Variants in THSD7B observed in about 807,000 individuals in gnomAD.
THSD7B encodes the protein thrombospondin type-1 domain-containing protein 7B.
A neutral mutation model predicts 213.6 loss-of-function variants in THSD7B; 138 were observed. The observed-to-expected ratio is 0.65, with a 90% CI of 0.56 to 0.74. THSD7B has a LOEUF of 0.74. Ranked by LOEUF, THSD7B falls within the 30% of genes least tolerant of loss-of-function variation. The pLI is 0.00. For synonymous variants in THSD7B, 742 were observed against 687.0 expected (o/e 1.08, Z -1.25); for missense variants, 1,931 against 1,991.5 (o/e 0.97, Z 0.58).
At position 137,096,914 on chromosome 2, in the gene THSD7B, G is replaced by A. The variant is rs1467790865; in HGVS notation, c.1199+1793G>A. ...GCTTAGCACATAGGTGGCGCTGCAA[G>A]AAGGATGACCACTATTGTTGCTATT... is the stretch of plus-strand genomic sequence containing the variant. On this transcript the variant is annotated intron_variant, in intron 4 of 27. Coordinates refer to ENST00000409968, the MANE Select transcript of THSD7B (RefSeq NM_001316349.2). 2.0e-5 allele frequency among the ~76,000 whole-genome samples: 3 copies of A among 152,226 alleles called. No individual in the cohort carries two copies. In the East Asian group the frequency reaches 5.8e-4, roughly 29 times the overall value.
chr2:136,816,642 CT>C (rs1682479386), intron 1 of THSD7B, among the ~76,000 whole-genome samples: 1 of 152,100 alleles, frequency 6.6e-6, no homozygotes, highest in African/African-American at 2.4e-5. Flanking sequence ...CATAGGATTT[CT>C]TGAGTGAAAG....
chr2:137,420,962 G>T (rs1686910958), intron 14 of THSD7B, among the ~76,000 whole-genome samples: 1 of 152,064 alleles, frequency 6.6e-6, no homozygotes, highest in Non-Finnish European at 1.5e-5. Flanking sequence ...TTGGCTCATG[G>T]CCTCTTCCTG....
intron 9 of THSD7B, 121 bp from the exon 10 acceptor site, chr2:137,242,336 T>C: frequency 1.4e-6 from 1 of 692,380 alleles, no homozygotes; most frequent in Non-Finnish European, 2.4e-6. Flanking sequence ...GGAGTCTCTC[T>C]TCCCTCACCT....
rs534571298 is a variant in THSD7B at position 136,950,019 on chromosome 2, C to T, written c.139+67702C>T. ...CTGTAATCGTAGCACTTTGGGAGGCCGAGGTGAGCGGATCACGAGGTCAGG... is the reference window on the plus strand; with the variant it reads ...CTGTAATCGTAGCACTTTGGGAGGCTGAGGTGAGCGGATCACGAGGTCAGG... On this transcript the variant is annotated intron_variant, in intron 2 of 27. Transcript: ENST00000409968. 1.1e-4 allele frequency among the ~76,000 whole-genome samples: 16 copies of T among 152,194 alleles called. No individual in the cohort carries two copies. The East Asian group carries it at 1.4e-3, about 13-fold the overall frequency.
intron 14 of THSD7B, among the ~76,000 whole-genome samples, chr2:137,440,684 A>G (rs758626316): frequency 6.6e-5 from 10 of 151,980 alleles, no homozygotes; most frequent in Non-Finnish European, 1.3e-4. Context: ...TTTATGTGAA[A>G]TCTCCCAATT....
chr2:137,382,137 T>TC (rs371762821), intron 12 of THSD7B, among the ~76,000 whole-genome samples: 10 of 152,292 alleles, frequency 6.6e-5, no homozygotes, highest in African/African-American at 2.2e-4. Context: ...ATTTTTTTTT[T>TC]CTAGAGAGCC....
chr2:137,231,197 A>T lies in THSD7B; in HGVS notation c.1877A>T (p.Gln626Leu). The change falls in exon 8 of 28, where the codon CAG becomes CTG. Residue 626 changes from glutamine to leucine, a missense_variant. Coordinates refer to ENST00000409968, the MANE Select transcript of THSD7B (RefSeq NM_001316349.2). ...TCAAATAAAAACTCAGATGGGAAAC[A>T]GACCAGGTCAAGAACTATCCTGGCA... ...SCSNKNSDGKQTRSRTILALA... is the reference protein window; with the variant it reads ...SCSNKNSDGKLTRSRTILALA... The T allele has an allele frequency of 6.2e-7, 1 of 1,612,936 alleles. No homozygotes were observed. Among genetic ancestry groups the T allele is most frequent in the Non-Finnish European group, 8.5e-7 (1 of 1,179,374 alleles).
In THSD7B at chr2:137,394,405, T is replaced by G. The variant is rs191474570; in HGVS notation, c.2501-11208T>G. Among the ~76,000 whole-genome samples, 118 of 138,326 alleles carry G rather than the reference T, an allele frequency of 8.5e-4. 15 individuals are homozygous for G. The highest frequency in any genetic ancestry group is 3.0e-3 in the African/African-American group (112 of 37,412). The allele number at this position is 138,326 out of a possible 152,430, so 90.7% of individuals were successfully genotyped here. A position where few individuals can be genotyped will look rare whatever the true frequency, so the allele number is the denominator to read the frequency against. On this transcript the variant is annotated intron_variant, in intron 12 of 27. Coordinates refer to ENST00000409968, the MANE Select transcript of THSD7B (RefSeq NM_001316349.2). ...GGCTAGCCAGTTATCCCAGCACTGT[T>G]TATTAAATAGGGAATCCTTTCCCCA...
intron 1 of THSD7B, among the ~76,000 whole-genome samples, chr2:136,825,668 C>G (rs1682633850): frequency 6.6e-6 from 1 of 150,662 alleles, no homozygotes; most frequent in Non-Finnish European, 1.5e-5. Flanking sequence ...TCTCCTGCCT[C>G]AGCCTCCCGA....
chr2:136,863,956 A>G (rs1459317112), intron 1 of THSD7B, among the ~76,000 whole-genome samples: 1 of 152,146 alleles, frequency 6.6e-6, no homozygotes, highest in Non-Finnish European at 1.5e-5. Context: ...AGGCATTTCC[A>G]TTAAAAGTTG....
chr2:136,868,591 A>C (rs1197353695), intron 1 of THSD7B, among the ~76,000 whole-genome samples: 3 of 152,232 alleles, frequency 2.0e-5, no homozygotes, highest in African/African-American at 7.2e-5. Context: ...AATATTTAGA[A>C]TCTTACATCG....
chr2:137,466,779 T>C (rs534626053), intron 15 of THSD7B, among the ~76,000 whole-genome samples: 2 of 152,248 alleles, frequency 1.3e-5, no homozygotes, highest in Middle Eastern at 3.4e-3. Context: ...CATTACTTCA[T>C]ATAGCAAGAA....
intron 12 of THSD7B, among the ~76,000 whole-genome samples, chr2:137,316,490 G>A (rs564685203): frequency 1.6e-4 from 24 of 152,276 alleles, no homozygotes; most frequent in Admixed American, 1.5e-3. Flanking sequence ...TTAAGAAAAG[G>A]TGAGGCTGGG....
intron 7 of THSD7B, among the ~76,000 whole-genome samples, chr2:137,227,394 A>G (rs1023324744): frequency 6.6e-6 from 1 of 152,182 alleles, no homozygotes; most frequent in Admixed American, 6.5e-5. Flanking sequence ...TTTTTGAAAG[A>G]TGAATTCAAT....
chr2:136,920,552 T>C (rs994228549), intron 2 of THSD7B, among the ~76,000 whole-genome samples: 3 of 152,148 alleles, frequency 2.0e-5, no homozygotes, highest in Non-Finnish European at 4.4e-5. Flanking sequence ...TACTGTCCAA[T>C]TGGCCAAAAG....
rs564612653 is a variant in THSD7B at position 136,769,990 on chromosome 2, C to A, written c.-36+4303C>A. The stretch of plus-strand genomic sequence containing the variant: ...AAAACAGAATCCTAAGTAACTAATG[C>A]ACAAACGATTTTTCAATGCCTTGAC... On this transcript the variant is annotated intron_variant, in intron 1 of 27. Coordinates refer to ENST00000409968, the MANE Select transcript of THSD7B (RefSeq NM_001316349.2). Among the ~76,000 whole-genome samples the A allele has an allele frequency of 2.2e-4, 34 of 152,294 alleles. No homozygotes were observed. The Middle Eastern group carries it at 0.01, about 46-fold the overall frequency.
At chr2:136,980,383 C>A (rs1241225081) in intron 2 of THSD7B, among the ~76,000 whole-genome samples, 1 of 152,170 alleles carries the variant, frequency 6.6e-6, no homozygotes, top group African/African-American at 2.4e-5. Context: ...AGTGGCCACC[C>A]CCTCCCAACA....
intron 21 of THSD7B, among the ~76,000 whole-genome samples, chr2:137,644,704 A>T (rs1682997945): frequency 6.6e-6 from 1 of 152,180 alleles, no homozygotes; most frequent in Non-Finnish European, 1.5e-5. Context: ...TTTTGCACAA[A>T]GGAAAAACAT....
chr2:137,000,925 T>C (rs1685987692), intron 2 of THSD7B, among the ~76,000 whole-genome samples: 1 of 152,124 alleles, frequency 6.6e-6, no homozygotes, highest in African/African-American at 2.4e-5. Flanking sequence ...TAGTTAATTA[T>C]AAATTTGAGT....
Sources: gnomAD v4.1 joint callset for allele counts (sites outside exome capture counted in the v4.1 genomes callset) on GRCh38, gnomAD v4.1.1 for gene constraint, MANE v1.5 for transcripts, NCBI Gene and HGNC (gene_info 2026-07-23, HGNC 2026-07-21) for gene names.